The following RASAL2 variants were observed in gnomAD, a reference collection of about 807,000 sequenced individuals.
The protein encoded by RASAL2 is ras GTPase-activating protein nGAP.
Under a neutral mutation model 128.9 loss-of-function variants are expected in RASAL2, and 58 were observed. The observed-to-expected ratio is 0.45, with a 90% CI of 0.36 to 0.56. RASAL2 has a LOEUF of 0.56. RASAL2 is among the 20% of genes least tolerant of loss of function. The pLI, the probability that RASAL2 is intolerant of heterozygous loss-of-function variation, is 0.00. For missense variants in RASAL2, 1,360 were observed against 1,601.6 expected, an observed-to-expected ratio of 0.85 and a Z score of 2.57; for synonymous variants, 561 against 580.8, an observed-to-expected ratio of 0.97 and a Z score of 0.49.
At chr1:178,451,448 C>T in intron 9 of RASAL2, 123 bp from the exon 10 acceptor site, 2 of 1,073,998 alleles carry the variant, frequency 1.9e-6, no homozygotes, top group Non-Finnish European at 2.6e-6. Flanking sequence ...CTTTTGTGCC[C>T]TCCCTGTCAG....
intron 9 of RASAL2, among the ~76,000 whole-genome samples, chr1:178,447,669 C>T (rs567839): frequency 1.2e-5 from 1 of 85,976 alleles, no homozygotes; most frequent in Non-Finnish European, 2.0e-5. Flanking sequence ...AAAACTCCTT[C>T]TCTTAAAAAA....
At chr1:178,436,946 C>A (rs922773822) in intron 5 of RASAL2, among the ~76,000 whole-genome samples, 2 of 152,194 alleles carry the variant, frequency 1.3e-5, no homozygotes, top group East Asian at 3.9e-4. Context: ...TTACTGAGAA[C>A]TTGTTCATAG....
At chr1:178,397,152 A>G (rs1340344784) in intron 4 of RASAL2, among the ~76,000 whole-genome samples, 1 of 152,332 alleles carries the variant, frequency 6.6e-6, no homozygotes, top group East Asian at 1.9e-4. Context: ...TTGAAAATAT[A>G]TGTCCACATA....
At chr1:178,177,427 G>A (rs968539211) in intron 1 of RASAL2, among the ~76,000 whole-genome samples, 3 of 152,178 alleles carry the variant, frequency 2.0e-5, no homozygotes, top group Non-Finnish European at 4.4e-5. Context: ...AGCAGGGATT[G>A]ACAAGGTTCT....
At chr1:178,328,470 G>A (rs557692511) in intron 3 of RASAL2, among the ~76,000 whole-genome samples, 51 of 152,152 alleles carry the variant, frequency 3.4e-4, no homozygotes, top group African/African-American at 1.2e-3. Context: ...TTACTTTGTT[G>A]TGCTATCAAA....
chr1:178,178,760 G>C (rs1661977202), intron 1 of RASAL2, among the ~76,000 whole-genome samples: 1 of 152,114 alleles, frequency 6.6e-6, no homozygotes, highest in African/African-American at 2.4e-5. Context: ...TGGAAAATAG[G>C]AGAAGATGCA....
At chr1:178,362,752 A>G (rs954353728) in intron 3 of RASAL2, among the ~76,000 whole-genome samples, 19 of 150,880 alleles carry the variant, frequency 1.3e-4, no homozygotes, top group Non-Finnish European at 2.5e-4. Context: ...TATAAGTGAG[A>G]TCATGCAGTG....
rs557727783 is a variant in RASAL2, at chr1:178,395,793, T to A, written c.564+5587T>A. Among the ~76,000 whole-genome samples the A allele has an allele frequency of 3.3e-3, 413 of 123,870 alleles. 15 individuals carry two copies. Among genetic ancestry groups the A allele is most frequent in the African/African-American group, 0.013 (371 of 27,646 alleles). The allele number at this position is 123,870 out of a possible 152,430, so 81.3% of individuals were successfully genotyped here. The stretch of plus-strand genomic sequence containing the variant: ...ACAGTATATATATATATATATATAT[T>A]TATTTATTCATATGTGTATGAATGT... On this transcript the variant is annotated intron_variant, in intron 4 of 17. Coordinates refer to ENST00000367649, the MANE Select transcript of RASAL2 (RefSeq NM_170692.4).
chr1:178,210,556 G>T (rs1209037135), intron 1 of RASAL2, among the ~76,000 whole-genome samples: 2 of 152,190 alleles, frequency 1.3e-5, no homozygotes, highest in Non-Finnish European at 2.9e-5. Flanking sequence ...AAGTGCCACA[G>T]AGCTGTTTAG....
intron 1 of RASAL2, among the ~76,000 whole-genome samples, chr1:178,139,447 C>G (rs1195111570): frequency 6.6e-6 from 1 of 151,972 alleles, no homozygotes; most frequent in Non-Finnish European, 1.5e-5. Context: ...CTGTTTCTGA[C>G]TTAAAAGTAG....
intron 4 of RASAL2, among the ~76,000 whole-genome samples, chr1:178,392,004 A>AT (rs1672938126): frequency 6.6e-6 from 1 of 152,188 alleles, no homozygotes; most frequent in African/African-American, 2.4e-5. Context: ...GATAAAATAG[A>AT]TTTTAACAAG....
chr1:178,140,150 T>C (rs1212865896), intron 1 of RASAL2, among the ~76,000 whole-genome samples: 2 of 152,170 alleles, frequency 1.3e-5, no homozygotes, highest in Non-Finnish European at 2.9e-5. Flanking sequence ...TTTTTTTCAT[T>C]ATTGCTCCTC....
intron 3 of RASAL2, among the ~76,000 whole-genome samples, chr1:178,362,529 GA>G (rs1671178175): frequency 6.8e-6 from 1 of 146,404 alleles, no homozygotes; most frequent in Admixed American, 7.0e-5. Flanking sequence ...TACTCCCTTG[GA>G]AATTTCCAGT....
At chr1:178,435,734 G>A (rs1676211689) in intron 5 of RASAL2, among the ~76,000 whole-genome samples, 1 of 152,090 alleles carries the variant, frequency 6.6e-6, no homozygotes, top group Admixed American at 6.6e-5. Context: ...CCTCTGGGAA[G>A]CAGTTTTTTA....
chr1:178,268,416 C>T (rs1309488045), intron 1 of RASAL2, among the ~76,000 whole-genome samples: 20 of 151,684 alleles, frequency 1.3e-4, no homozygotes, highest in African/African-American at 4.8e-4. Flanking sequence ...TGCAGTGAGC[C>T]GAGATTGCAC....
At chr1:178,395,366 A>T (rs1357482441) in intron 4 of RASAL2, among the ~76,000 whole-genome samples, 18 of 152,058 alleles carry the variant, frequency 1.2e-4, no homozygotes, top group Admixed American at 1.2e-3. Context: ...TTTCTTTCCT[A>T]CCTTCAAGTC....
intron 3 of RASAL2, among the ~76,000 whole-genome samples, chr1:178,361,705 G>A (rs1335600053): frequency 6.6e-6 from 1 of 152,024 alleles, no homozygotes; most frequent in Admixed American, 6.6e-5. Flanking sequence ...GAGGGAGTCG[G>A]GGGTGGGGGT....
intron 3 of RASAL2, among the ~76,000 whole-genome samples, chr1:178,333,808 G>A (rs1669457928): frequency 6.6e-6 from 1 of 152,148 alleles, no homozygotes; most frequent in Non-Finnish European, 1.5e-5. Flanking sequence ...TCTACTCACT[G>A]AAACAAACTT....
At chr1:178,312,890 A>AT (rs2102307719) in intron 3 of RASAL2, among the ~76,000 whole-genome samples, 1 of 152,360 alleles carries the variant, frequency 6.6e-6, no homozygotes, top group East Asian at 1.9e-4. Context: ...ACTTTTTATC[A>AT]TATTGGGCAC....
Sources: gnomAD v4.1 joint callset for allele counts (sites outside exome capture counted in the v4.1 genomes callset) on GRCh38, gnomAD v4.1.1 for gene constraint, MANE v1.5 for transcripts, NCBI Gene and HGNC (gene_info 2026-07-23, HGNC 2026-07-21) for gene names.